Variants in ARMC9 observed in about 807,000 individuals in gnomAD.
The protein encoded by ARMC9 is armadillo repeat containing 9.
In ARMC9, 94 loss-of-function variants were observed where a neutral mutation model predicts 107.0. The observed-to-expected ratio is 0.88, with a 90% CI of 0.74 to 1.04. ARMC9 has a LOEUF of 1.04. Ranked by LOEUF, ARMC9 falls within the 50% of genes least tolerant of loss-of-function variation. The pLI, the probability that ARMC9 is intolerant of heterozygous loss-of-function variation, is 0.00. For missense variants in ARMC9, 942 were observed against 1,030.1 expected, an observed-to-expected ratio of 0.91 and a Z score of 1.17; for synonymous variants, 380 against 396.9, an observed-to-expected ratio of 0.96 and a Z score of 0.51.
intron 7 of ARMC9, among the ~76,000 whole-genome samples, chr2:231,232,330 A>G (rs1326157903): frequency 2.0e-5 from 3 of 151,974 alleles, no homozygotes; most frequent in African/African-American, 4.8e-5. Flanking sequence ...GGCCAAATTT[A>G]TCACATTCTA....
chr2:231,280,432 T>A (rs1392652035), intron 16 of ARMC9, among the ~76,000 whole-genome samples: 1 of 152,096 alleles, frequency 6.6e-6, no homozygotes, highest in African/African-American at 2.4e-5. Context: ...CACTCCAGCA[T>A]GGGTGACAGA....
At chr2:231,268,243 T>A (rs1192128624) in intron 12 of ARMC9, among the ~76,000 whole-genome samples, 1 of 152,184 alleles carries the variant, frequency 6.6e-6, no homozygotes, top group East Asian at 1.9e-4. Context: ...ATGGTCATGT[T>A]CTGTTTCTTT....
chr2:231,371,294 G>A (rs1306286255), intron 24 of ARMC9, among the ~76,000 whole-genome samples: 5 of 152,218 alleles, frequency 3.3e-5, no homozygotes, highest in Admixed American at 1.3e-4. Flanking sequence ...CACGTGAGCT[G>A]TTGCCAGCAA....
chr2:231,241,946 A>G (rs1233816281), intron 9 of ARMC9, among the ~76,000 whole-genome samples: 1 of 152,110 alleles, frequency 6.6e-6, no homozygotes, highest in African/African-American at 2.4e-5. Flanking sequence ...GCAGTTACAT[A>G]ACTTTTATTA....
chr2:231,295,575 G>A (rs1219111593), intron 18 of ARMC9: 1 of 152,226 alleles, frequency 6.6e-6, no homozygotes, highest in Admixed American at 6.5e-5. Flanking sequence ...AGAGGAGGAA[G>A]CCGGGGCTCT....
At chr2:231,228,150 T>A (rs893443588) in intron 7 of ARMC9, among the ~76,000 whole-genome samples, 8 of 152,224 alleles carry the variant, frequency 5.3e-5, no homozygotes, top group African/African-American at 1.9e-4. Flanking sequence ...CCAACACAGC[T>A]GGCATCTTCA....
Position 231,226,750 on chromosome 2 carries a change from T to C in ARMC9, c.598-24T>C, listed in dbSNP as rs763375531. On this transcript the variant is annotated intron_variant, in intron 6 of 24. Transcript: ENST00000611582. ...AGTACCGTTCCCTGAATGCCTGTTT[T>C]CCTGAACTTCTTTTTCATCCCAGAA... The C allele has an allele frequency of 8.1e-6, 13 of 1,612,542 alleles. No individual in the cohort carries two copies. In the East Asian group the frequency reaches 2.9e-4, roughly 36 times the overall value.
chr2:231,273,332 G>C (rs2039498348), intron 14 of ARMC9, among the ~76,000 whole-genome samples: 1 of 152,190 alleles, frequency 6.6e-6, no homozygotes, highest in Admixed American at 6.5e-5. Flanking sequence ...AGCCATGCAG[G>C]ATTGTGTCTC....
intron 19 of ARMC9, among the ~76,000 whole-genome samples, chr2:231,308,536 T>A (rs1300530287): frequency 6.6e-6 from 1 of 152,016 alleles, no homozygotes; most frequent in Non-Finnish European, 1.5e-5. Context: ...CCTTGGACCC[T>A]AGGTAGCTGG....
intron 5 of ARMC9, among the ~76,000 whole-genome samples, chr2:231,217,822 A>G (rs2033684406): frequency 6.6e-6 from 1 of 151,954 alleles, no homozygotes; most frequent in Admixed American, 6.6e-5. Context: ...TCCTGAGTTT[A>G]GCTGGAGCTA....
At chr2:231,261,101 G>C (rs550610066) in intron 11 of ARMC9, among the ~76,000 whole-genome samples, 1 of 152,278 alleles carries the variant, frequency 6.6e-6, no homozygotes, top group East Asian at 1.9e-4. Context: ...CCCACGCTAA[G>C]AACTAGCATA....
chr2:231,256,648 TTAAGGAGAAC>T, intron 10 of ARMC9, 28 bp downstream of exon 10: 1 of 1,607,348 alleles, frequency 6.2e-7, no homozygotes, highest in South Asian at 1.1e-5. Context: ...GGAATTTTTA[TTAAGGAGAAC>T]AGCAATGTGT....
chr2:231,299,681 A>G (rs1308815437), intron 19 of ARMC9, among the ~76,000 whole-genome samples: 1 of 152,026 alleles, frequency 6.6e-6, no homozygotes, highest in Non-Finnish European at 1.5e-5. Context: ...GATGAGAGAA[A>G]CCTGAGCATG....
At position 231,355,234 on chromosome 2, in the gene ARMC9, G is replaced by A. The variant is rs145937372; in HGVS notation, c.1995-564G>A. ...CCCATCTGTAGTCCCAGCTACTCCA[G>A]AGGCTGAGATGGGAGGATCACTTGA... On this transcript the variant is annotated intron_variant, in intron 21 of 24. Coordinates refer to ENST00000611582, the MANE Select transcript of ARMC9 (RefSeq NM_001352754.2). 5.6e-3 allele frequency among the ~76,000 whole-genome samples: 852 copies of A among 152,182 alleles called. 7 individuals are homozygous for A. Among genetic ancestry groups the A allele is most frequent in the African/African-American group, 0.017 (699 of 41,434 alleles).
At chr2:231,332,598 T>C (rs2043815317) in intron 20 of ARMC9, among the ~76,000 whole-genome samples, 1 of 152,080 alleles carries the variant, frequency 6.6e-6, no homozygotes, top group Non-Finnish European at 1.5e-5. Flanking sequence ...AACCACTGGC[T>C]TACGACCCAC....
At chr2:231,269,721 T>A (rs930749848) in intron 12 of ARMC9, among the ~76,000 whole-genome samples, 1 of 152,190 alleles carries the variant, frequency 6.6e-6, no homozygotes, top group African/African-American at 2.4e-5. Flanking sequence ...ACCCTTCTGT[T>A]GACACTTTTA....
chr2:231,369,484 G>C (rs541624848), intron 23 of ARMC9, among the ~76,000 whole-genome samples: 7 of 151,932 alleles, frequency 4.6e-5, no homozygotes, highest in African/African-American at 1.7e-4. Flanking sequence ...GTAGAGACGG[G>C]GGTCTCACCA....
At chr2:231,349,630 AAATT>A (rs1231285869) in intron 21 of ARMC9, among the ~76,000 whole-genome samples, 1 of 152,070 alleles carries the variant, frequency 6.6e-6, no homozygotes, top group Non-Finnish European at 1.5e-5. Context: ...AAAAATACAA[AAATT>A]AACCAGGTGC....
chr2:231,302,441 T>G (rs112415665), intron 19 of ARMC9, among the ~76,000 whole-genome samples: 146 of 131,542 alleles, frequency 1.1e-3, no homozygotes, highest in African/African-American at 4.4e-3. Context: ...GGGTTTGTTT[T>G]TTTTTTTTTT....
Sources: allele counts gnomAD v4.1 joint callset (sites outside exome capture counted in the v4.1 genomes callset), GRCh38; gene constraint gnomAD v4.1.1; transcripts MANE v1.5; gene names NCBI Gene and HGNC (gene_info 2026-07-23, HGNC 2026-07-21).